COL4A2: variants seen among roughly 807,000 people sequenced by gnomAD.
COL4A2 encodes collagen alpha-2(IV) chain.
In COL4A2, 99 loss-of-function variants were observed where a neutral mutation model predicts 200.2. The observed-to-expected ratio is 0.49, with a 90% CI of 0.42 to 0.58. The LOEUF (loss-of-function observed/expected upper bound fraction) is 0.58. Among genes scored for constraint, COL4A2 ranks in the 20% least tolerant of loss-of-function variants. The probability of loss-of-function intolerance (pLI) is 0.00; values close to 1 mark genes in which losing one functional copy is unlikely to be tolerated. For synonymous variants in COL4A2, 897 were observed against 900.6 expected, an observed-to-expected ratio of 1.00 and a Z score of 0.07; for missense variants, 1,950 against 2,314.1, an observed-to-expected ratio of 0.84 and a Z score of 3.23.
intron 20 of COL4A2, chr13:110,456,807 G>A (rs761714261): frequency 2.1e-6 from 1 of 481,832 alleles, no homozygotes; most frequent in South Asian, 1.5e-5. Context: ...CACCCATGGT[G>A]CCGATGCCCT....
intron 47 of COL4A2, among the ~76,000 whole-genome samples, chr13:110,510,684 T>A (rs1884055091): frequency 6.6e-6 from 1 of 152,232 alleles, no homozygotes; most frequent in South Asian, 2.1e-4. Context: ...TGTGTGCATG[T>A]GTGCATGTAT....
intron 33 of COL4A2, 108 bp from the exon 34 acceptor site, chr13:110,485,544 AAAG>A (rs76149180): frequency 8.7e-6 from 5 of 577,308 alleles, no homozygotes; most frequent in South Asian, 5.5e-5. Flanking sequence ...AAAAAAAAAA[AAAG>A]ATTCACAGCA....
At chr13:110,391,698 T>C (rs1348135113) in intron 4 of COL4A2, among the ~76,000 whole-genome samples, 2 of 152,224 alleles carry the variant, frequency 1.3e-5, no homozygotes, top group Non-Finnish European at 2.9e-5. Flanking sequence ...AACACCTTTC[T>C]TTCAGGGTCG....
chr13:110,493,190 C>A, intron 38 of COL4A2, 21 bp from the exon 39 acceptor site: 2 of 1,613,970 alleles, frequency 1.2e-6, no homozygotes, highest in Non-Finnish European at 1.7e-6. Context: ...AAATAAATAA[C>A]GATGAGTGAC....
chr13:110,366,097 G>A (rs1877733778), intron 4 of COL4A2, among the ~76,000 whole-genome samples: 1 of 152,202 alleles, frequency 6.6e-6, no homozygotes, highest in Non-Finnish European at 1.5e-5. Context: ...GACAAGTGTA[G>A]CACTGAAGCA....
At chr13:110,493,923 C>A (rs1014587748) in intron 39 of COL4A2, among the ~76,000 whole-genome samples, 20 of 152,138 alleles carry the variant, frequency 1.3e-4, no homozygotes, top group Non-Finnish European at 2.1e-4. Flanking sequence ...TGGGGCCCCA[C>A]CCTCATGACC....
At chr13:110,417,066 C>T (rs1880069613) in intron 4 of COL4A2, among the ~76,000 whole-genome samples, 2 of 151,982 alleles carry the variant, frequency 1.3e-5, no homozygotes, top group African/African-American at 2.4e-5. Flanking sequence ...CTGCAAGCTC[C>T]GCCTCCTGGG....
intron 4 of COL4A2, among the ~76,000 whole-genome samples, chr13:110,416,782 A>G (rs534173282): frequency 2.0e-5 from 3 of 152,378 alleles, no homozygotes; most frequent in African/African-American, 7.2e-5. Flanking sequence ...GAGATAAAGC[A>G]TGACAGAAAC....
At chr13:110,455,091 G>A (rs150977975) in intron 20 of COL4A2, among the ~76,000 whole-genome samples, 17 of 152,188 alleles carry the variant, frequency 1.1e-4, no homozygotes, top group Non-Finnish European at 1.6e-4. Context: ...CACCACCACC[G>A]CCCGCGTAGC....
intron 4 of COL4A2, among the ~76,000 whole-genome samples, chr13:110,418,542 G>A (rs1385165323): frequency 6.6e-6 from 1 of 152,198 alleles, no homozygotes; most frequent in East Asian, 1.9e-4. Context: ...TGACATAAAG[G>A]TGAAGGTGTG....
At chr13:110,385,261 GA>G (rs553112812) in intron 4 of COL4A2, among the ~76,000 whole-genome samples, 1,518 of 139,460 alleles carry the variant, frequency 0.011, 17 homozygotes, top group African/African-American at 0.032. Flanking sequence ...GACTCCGTCT[GA>G]AAAAAAAAAA....
intron 4 of COL4A2, among the ~76,000 whole-genome samples, chr13:110,364,439 A>C (rs1354556031): frequency 6.6e-6 from 1 of 152,178 alleles, no homozygotes; most frequent in Non-Finnish European, 1.5e-5. Context: ...AATATTTATC[A>C]TATGGGTGGG....
chr13:110,363,537 G>A (rs1466526705), intron 4 of COL4A2, among the ~76,000 whole-genome samples: 1 of 152,122 alleles, frequency 6.6e-6, no homozygotes, highest in Non-Finnish European at 1.5e-5. Flanking sequence ...TAACGAGAAG[G>A]CAAGAAAATT....
At position 110,513,152 on chromosome 13, in the gene COL4A2, G is replaced by C. The variant is rs894364714; in HGVS notation, c.*961G>C. 2 of 152,078 alleles carry C rather than the reference G, an allele frequency of 1.3e-5. No homozygotes were observed. Among genetic ancestry groups the C allele is most frequent in the South Asian group, 4.2e-4 (2 of 4,806 alleles). 9.4% of individuals were successfully genotyped at this position (152,078 alleles called of 1,614,324 possible). A position where few individuals can be genotyped will look rare whatever the true frequency, so the allele number is the denominator to read the frequency against. On this transcript the variant is annotated 3_prime_UTR_variant, in exon 48 of 48. Coordinates refer to ENST00000360467, the MANE Select transcript of COL4A2 (RefSeq NM_001846.4). ...CATCTCAGTAGAGTTGAACCCATTC[G>C]TGGTATTACAGCCATTTCTCGGGGA...
intron 4 of COL4A2, among the ~76,000 whole-genome samples, chr13:110,386,034 T>C (rs879003321): frequency 0.058 from 6,073 of 105,508 alleles, 126 homozygotes; most frequent in Middle Eastern, 0.09. Flanking sequence ...GGTTACAGTG[T>C]GTGGATAGAC....
intron 41 of COL4A2, among the ~76,000 whole-genome samples, 196 bp downstream of exon 41, chr13:110,501,980 C>T (rs1352406273): frequency 6.6e-6 from 1 of 152,216 alleles, no homozygotes; most frequent in Non-Finnish European, 1.5e-5. Context: ...AGCTGAGACA[C>T]AGGCCATGTC....
At chr13:110,375,579 C>T (rs1420130170) in intron 4 of COL4A2, among the ~76,000 whole-genome samples, 1 of 152,116 alleles carries the variant, frequency 6.6e-6, no homozygotes, top group African/African-American at 2.4e-5. Context: ...CCTGTAATCC[C>T]GGCACTTTGG....
At position 110,495,419 on chromosome 13, in the gene COL4A2, C is replaced by G. The variant is rs375198480; in HGVS notation, c.3712C>G (p.Pro1238Ala). ...TGACCCAGGAGAGGCCAACACCCTT[C>G]CAGGCCCTGTGGGAGTCCCAGGACA... Reference protein sequence around the residue: ...RGDPGEANTLPGPVGVPGQKG... With the variant: ...RGDPGEANTLAGPVGVPGQKG... Residue 1238 changes from proline to alanine, a missense_variant, in exon 40 of 48, where the codon CCA (proline) becomes GCA (alanine). Transcript: ENST00000360467. The G allele has an allele frequency of 2.0e-5, 32 of 1,613,956 alleles. No individual in the cohort carries two copies. Among genetic ancestry groups the G allele is most frequent in the Non-Finnish European group, 2.7e-5 (32 of 1,180,004 alleles).
At chr13:110,383,527 G>A (rs1158402206) in intron 4 of COL4A2, among the ~76,000 whole-genome samples, 6 of 150,262 alleles carry the variant, frequency 4.0e-5, no homozygotes, top group Admixed American at 6.6e-5. Context: ...TTTTTAGATT[G>A]TAGGAGGTTT....
Sources: allele counts gnomAD v4.1 joint callset (sites outside exome capture counted in the v4.1 genomes callset), GRCh38; gene constraint gnomAD v4.1.1; transcripts MANE v1.5; gene names NCBI Gene and HGNC (gene_info 2026-07-23, HGNC 2026-07-21).